SUFU: variants seen among roughly 807,000 people sequenced by gnomAD.
The protein encoded by SUFU is SUFU negative regulator of hedgehog signaling.
SUFU carries 7 observed loss-of-function variants against 58.9 expected under a neutral mutation model. That is an observed-to-expected ratio of 0.12 (90% CI 0.07 to 0.22). SUFU has a LOEUF of 0.22. Ranked by LOEUF, SUFU falls within the 10% of genes least tolerant of loss-of-function variation. The pLI, the probability that SUFU is intolerant of heterozygous loss-of-function variation, is 1.00. For missense variants in SUFU, 451 were observed against 641.3 expected (o/e 0.70, Z 3.20); for synonymous variants, 232 against 254.8 (o/e 0.91, Z 0.85).
intron 8 of SUFU, among the ~76,000 whole-genome samples, chr10:102,607,126 T>G (rs2063569389): frequency 6.6e-6 from 1 of 151,402 alleles, no homozygotes; most frequent in Non-Finnish European, 1.5e-5. Context: ...TGGTGTGATC[T>G]CAACCTCTGC....
At chr10:102,618,214 T>G (rs1453214976) in intron 10 of SUFU, 1 of 152,360 alleles carries the variant, frequency 6.6e-6, no homozygotes, top group East Asian at 1.9e-4. Context: ...CTCACCTCGC[T>G]CGCAAGTATC....
chr10:102,581,440 C>G (rs899898785), intron 3 of SUFU, among the ~76,000 whole-genome samples: 1 of 152,134 alleles, frequency 6.6e-6, no homozygotes, highest in Non-Finnish European at 1.5e-5. Flanking sequence ...ATGAAGCTCC[C>G]AGGCCTGTGT....
At position 102,619,964 on chromosome 10, in the gene SUFU, A is replaced by C. The variant is rs1475633939; in HGVS notation, c.1296+2536A>C. Reference sequence around the variant, plus strand: ...AGGGGACCCCAGCACAAAGAGGCCCACCCTTGCTCCCTGCAGGCATCTCTT... The same window carrying C: ...AGGGGACCCCAGCACAAAGAGGCCCCCCCTTGCTCCCTGCAGGCATCTCTT... On this transcript the variant is annotated intron_variant, in intron 10 of 11. Transcript: ENST00000369902. This position sits in a 1 kb window ranked among gnomAD's most constrained non-coding sequence, Gnocchi z 4.2. Among the ~76,000 whole-genome samples the C allele has an allele frequency of 6.6e-6, 1 of 151,626 alleles. No homozygotes were observed. Among genetic ancestry groups the C allele is most frequent in the East Asian group, 1.9e-4 (1 of 5,172 alleles).
At chr10:102,528,174 A>C (rs146809916) in intron 2 of SUFU, among the ~76,000 whole-genome samples, 4 of 152,256 alleles carry the variant, frequency 2.6e-5, no homozygotes, top group African/African-American at 7.2e-5. Flanking sequence ...GGTTGGGAGT[A>C]GATGGAAGAA....
At chr10:102,593,849 C>T in intron 5 of SUFU, 128 bp downstream of exon 5, 1 of 1,364,190 alleles carries the variant, frequency 7.3e-7, no homozygotes, top group Middle Eastern at 2.4e-4. Flanking sequence ...TCAGGGCTTC[C>T]TGACGACTCA....
At chr10:102,609,684 G>A (rs1360225009) in intron 8 of SUFU, among the ~76,000 whole-genome samples, 1 of 152,172 alleles carries the variant, frequency 6.6e-6, no homozygotes, top group Admixed American at 6.6e-5. Context: ...GGTCCCACAG[G>A]CATTGACAAG....
At chr10:102,523,817 C>G (rs889407300) in intron 2 of SUFU, among the ~76,000 whole-genome samples, 1 of 152,222 alleles carries the variant, frequency 6.6e-6, no homozygotes, top group Admixed American at 6.5e-5. Context: ...TCAGAACCAT[C>G]CAGTGGCTTC....
At chr10:102,572,342 C>A (rs1024363715) in intron 3 of SUFU, among the ~76,000 whole-genome samples, 3 of 151,062 alleles carry the variant, frequency 2.0e-5, no homozygotes, top group Non-Finnish European at 4.4e-5. Context: ...TCCCAAAGTG[C>A]TGGGATTACA....
chr10:102,610,343 A>C (rs909756256), intron 8 of SUFU, among the ~76,000 whole-genome samples: 4 of 149,122 alleles, frequency 2.7e-5, no homozygotes, highest in Non-Finnish European at 1.5e-5. Context: ...CAGTGAGCCG[A>C]GATCACACCA....
Position 102,593,652 on chromosome 10 carries a change from C to T in SUFU, c.614C>T (p.Thr205Ile), listed in dbSNP as rs1478836560. 3 of 1,614,204 alleles carry T rather than the reference C, an allele frequency of 1.9e-6. No homozygotes were observed. The highest frequency in any genetic ancestry group is 1.7e-6 in the Non-Finnish European group (2 of 1,180,028). The change falls in exon 5 of 12, where the codon ACT becomes ATT. Residue 205 changes from threonine to isoleucine, a missense_variant. By Grantham distance (89) the Thr-to-Ile change is moderately conservative (BLOSUM62 -1). Transcript: ENST00000369902. ...VTFLQIVGVC[T>I]EELHSAQQWN... ...GGGCCTCAGATCGTTGGTGTCTGCA[C>T]TGAAGAGCTACACTCAGCCCAGCAG... is the stretch of plus-strand genomic sequence containing the variant.
Position 102,630,583 on chromosome 10 carries a change from G to T in SUFU, c.*428G>T. 1 of 344,636 alleles carries T rather than the reference G, an allele frequency of 2.9e-6. No individual in the cohort carries two copies. The highest frequency in any genetic ancestry group is 5.5e-6 in the Non-Finnish European group (1 of 181,930). The allele number at this position is 344,636 out of a possible 1,614,324, so 21.3% of individuals were successfully genotyped here. On this transcript the variant is annotated 3_prime_UTR_variant, in exon 12 of 12. Transcript: ENST00000369902. ...TGGATGCACTTCCCAGCTCATCTCT[G>T]GAAGCCTTTGCTACTCAAGCTCCTC...
At chr10:102,566,680 G>T (rs572706449) in intron 3 of SUFU, among the ~76,000 whole-genome samples, 2 of 150,408 alleles carry the variant, frequency 1.3e-5, no homozygotes, top group African/African-American at 2.4e-5. Flanking sequence ...CAGGAGAATC[G>T]CCTGAACTTG....
chr10:102,521,331 A>G (rs2062548989), intron 2 of SUFU, among the ~76,000 whole-genome samples: 1 of 152,096 alleles, frequency 6.6e-6, no homozygotes. Context: ...ACCTCTGCCC[A>G]TACATACCTT....
Position 102,625,902 on chromosome 10 carries a change from G to A in SUFU, c.1297-1273G>A, listed in dbSNP as rs1314479388. ...GTTATCTCACAGCGTGGAAACTTTT[G>A]TTCTTGGCAGCTGACAATTCCCAGG... On this transcript the variant is annotated intron_variant, in intron 10 of 11. Coordinates refer to ENST00000369902, the MANE Select transcript of SUFU (RefSeq NM_016169.4). This position sits in a 1 kb window ranked among gnomAD's most constrained non-coding sequence, Gnocchi z 4.7. Among the ~76,000 whole-genome samples the A allele has an allele frequency of 6.6e-6, 1 of 152,176 alleles. No individual in the cohort carries two copies. Among genetic ancestry groups the A allele is most frequent in the Non-Finnish European group, 1.5e-5 (1 of 68,034 alleles).
In SUFU at chr10:102,615,422, C is replaced by G. The variant is rs1289264802; in HGVS notation, c.1157+20C>G. 1 of 1,613,890 alleles carries G rather than the reference C, an allele frequency of 6.2e-7. No individual in the cohort carries two copies. Among genetic ancestry groups the G allele is most frequent in the South Asian group, 1.1e-5 (1 of 91,072 alleles). ...CCTAAGGTGAGCGAGACAGCCCTGC[C>G]ACACAGTTTACCCCACAGCACCCAG... On this transcript the variant is annotated intron_variant, in intron 9 of 11. Coordinates refer to ENST00000369902, the MANE Select transcript of SUFU (RefSeq NM_016169.4).
intron 1 of SUFU, 86 bp downstream of exon 1, chr10:102,504,420 A>T (rs1589970366): frequency 6.4e-7 from 1 of 1,573,030 alleles, no homozygotes; most frequent in Non-Finnish European, 8.6e-7. Context: ...GGGAGGTGGG[A>T]GGAGGGGTAG....
chr10:102,537,693 A>G (rs2062757004), intron 2 of SUFU, among the ~76,000 whole-genome samples: 1 of 152,130 alleles, frequency 6.6e-6, no homozygotes, highest in Non-Finnish European at 1.5e-5. Flanking sequence ...ACTTAGCATA[A>G]TGTCTTCAGG....
intron 2 of SUFU, among the ~76,000 whole-genome samples, chr10:102,527,425 C>T (rs1201953027): frequency 6.6e-6 from 1 of 151,822 alleles, no homozygotes; most frequent in East Asian, 1.9e-4. Context: ...GACAGGAGAA[C>T]TGAGTTGAGT....
At chr10:102,600,026 G>A (rs2063502325) in intron 8 of SUFU, among the ~76,000 whole-genome samples, 1 of 152,110 alleles carries the variant, frequency 6.6e-6, no homozygotes, top group Non-Finnish European at 1.5e-5. Flanking sequence ...TCTTCCCTGG[G>A]GCCCAGGGAA....
Sources: allele counts gnomAD v4.1 joint callset (sites outside exome capture counted in the v4.1 genomes callset), GRCh38; gene constraint gnomAD v4.1.1; non-coding constraint Gnocchi (gnomAD v3.1); transcripts MANE v1.5; gene names NCBI Gene and HGNC (gene_info 2026-07-23, HGNC 2026-07-21).